NCAM2: variants seen among roughly 807,000 people sequenced by gnomAD.
NCAM2 encodes N-CAM-2.
In NCAM2, 30 loss-of-function variants were observed where a neutral mutation model predicts 98.1. That is an observed-to-expected ratio of 0.31 (90% confidence interval 0.23 to 0.41). The LOEUF (loss-of-function observed/expected upper bound fraction) is 0.41. NCAM2 is among the 10% of genes least tolerant of loss of function. The pLI is 1.00. For synonymous variants in NCAM2, 368 were observed against 342.4 expected (o/e 1.07, Z -0.83); for missense variants, 867 against 1,005.8 (o/e 0.86, Z 1.87).
intron 1 of NCAM2, among the ~76,000 whole-genome samples, chr21:21,134,610 G>T (rs1394349574): frequency 6.6e-6 from 1 of 151,982 alleles, no homozygotes; most frequent in Non-Finnish European, 1.5e-5. Context: ...TTTTTAATGT[G>T]CTAATAGAAA....
In NCAM2 at chr21:21,017,709, G is replaced by A. The variant is rs77438507; in HGVS notation, c.55+19091G>A. 3.6e-3 allele frequency among the ~76,000 whole-genome samples: 543 copies of A among 152,068 alleles called. 3 individuals carry two copies. Among genetic ancestry groups the A allele is most frequent in the African/African-American group, 0.012 (517 of 41,492 alleles). Reference sequence around the variant, plus strand: ...ACTTGGTGTATGAAACTATGCACGCGCTCCATAATTTCTTTTTAGGATAGC... The same window carrying A: ...ACTTGGTGTATGAAACTATGCACGCACTCCATAATTTCTTTTTAGGATAGC... On this transcript the variant is annotated intron_variant, in intron 1 of 17. Transcript: ENST00000400546.
intron 1 of NCAM2, among the ~76,000 whole-genome samples, chr21:21,204,948 G>A (rs1208515215): frequency 6.6e-6 from 1 of 151,898 alleles, no homozygotes; most frequent in African/African-American, 2.4e-5. Flanking sequence ...GTGTAAGTTC[G>A]AACTCTCCTT....
chr21:21,140,522 A>T (rs2067144423), intron 1 of NCAM2, among the ~76,000 whole-genome samples: 1 of 152,194 alleles, frequency 6.6e-6, no homozygotes, highest in Admixed American at 6.5e-5. Flanking sequence ...ATATTATAAA[A>T]TATGAAATAA....
At chr21:21,194,907 C>T (rs537999148) in intron 1 of NCAM2, among the ~76,000 whole-genome samples, 4 of 152,152 alleles carry the variant, frequency 2.6e-5, no homozygotes, top group Non-Finnish European at 5.9e-5. Flanking sequence ...AACATTTCCC[C>T]ATTTCCATCA....
At chr21:21,264,347 A>G (rs1326221799) in intron 1 of NCAM2, among the ~76,000 whole-genome samples, 1 of 152,066 alleles carries the variant, frequency 6.6e-6, no homozygotes, top group Admixed American at 6.6e-5. Context: ...AAAAACTAAC[A>G]GATGTTGGTG....
intron 9 of NCAM2, among the ~76,000 whole-genome samples, chr21:21,397,428 C>T (rs2076534013): frequency 6.6e-6 from 1 of 152,168 alleles, no homozygotes; most frequent in Non-Finnish European, 1.5e-5. Context: ...AGTCTTCCCT[C>T]AGCCTCCCTC....
chr21:21,342,606 C>T (rs2075074035), intron 8 of NCAM2, among the ~76,000 whole-genome samples: 1 of 152,118 alleles, frequency 6.6e-6, no homozygotes, highest in Admixed American at 6.6e-5. Flanking sequence ...CAGACACTAT[C>T]TGGTCTACTC....
chr21:21,473,167 A>T (rs543772373), intron 14 of NCAM2, among the ~76,000 whole-genome samples: 2 of 151,166 alleles, frequency 1.3e-5, no homozygotes, highest in South Asian at 4.2e-4. Flanking sequence ...TTGTGCCTCT[A>T]CCCAGGACAG....
At position 21,093,977 on chromosome 21, in the gene NCAM2, G is replaced by A. The variant is rs141879647; in HGVS notation, c.55+95359G>A. On this transcript the variant is annotated intron_variant, in intron 1 of 17. Coordinates refer to ENST00000400546, the MANE Select transcript of NCAM2 (RefSeq NM_004540.5). ...GTAAATTTCTCTGAGTGGGTCAAATGCCTCTTTTCTAAGAATTCTCGTCAA... is the reference window on the plus strand; with the variant it reads ...GTAAATTTCTCTGAGTGGGTCAAATACCTCTTTTCTAAGAATTCTCGTCAA... Among the ~76,000 whole-genome samples, 286 of 151,974 alleles carry A rather than the reference G, an allele frequency of 1.9e-3. 1 individual carries two copies. Among genetic ancestry groups the A allele is most frequent in the Admixed American group, 3.2e-3 (48 of 15,226 alleles).
chr21:21,015,104 G>A (rs1449652208), intron 1 of NCAM2, among the ~76,000 whole-genome samples: 2 of 152,184 alleles, frequency 1.3e-5, no homozygotes, highest in Non-Finnish European at 2.9e-5. Context: ...CAAGGAAAGT[G>A]ATTTCTTGAG....
At chr21:21,312,850 T>A (rs1166195209) in intron 5 of NCAM2, among the ~76,000 whole-genome samples, 1 of 151,892 alleles carries the variant, frequency 6.6e-6, no homozygotes, top group East Asian at 1.9e-4. Context: ...GTCTGAACAT[T>A]TCCTTTCAGG....
intron 3 of NCAM2, 98 bp downstream of exon 3, chr21:21,284,498 T>G: frequency 1.1e-6 from 1 of 887,982 alleles, no homozygotes; most frequent in Non-Finnish European, 1.7e-6. Flanking sequence ...AAGAACTATG[T>G]GCTTTGAAAA....
At chr21:21,441,462 A>G (rs889373634) in intron 12 of NCAM2, among the ~76,000 whole-genome samples, 2 of 152,240 alleles carry the variant, frequency 1.3e-5, no homozygotes, top group African/African-American at 4.8e-5. Flanking sequence ...AGTATATACT[A>G]TTAGTGATGC....
chr21:21,125,136 G>A (rs974787149), intron 1 of NCAM2, among the ~76,000 whole-genome samples: 3 of 151,656 alleles, frequency 2.0e-5, no homozygotes, highest in East Asian at 1.9e-4. Flanking sequence ...ATGTAACTCC[G>A]TATTACTGTG....
intron 1 of NCAM2, among the ~76,000 whole-genome samples, chr21:21,121,834 A>G (rs540146300): frequency 1.9e-4 from 29 of 152,358 alleles, no homozygotes; most frequent in African/African-American, 6.7e-4. Context: ...ACGATTGGGT[A>G]TATGATAAAT....
intron 1 of NCAM2, among the ~76,000 whole-genome samples, chr21:20,999,543 C>T (rs913906505): frequency 6.6e-6 from 1 of 151,922 alleles, no homozygotes; most frequent in Non-Finnish European, 1.5e-5. Flanking sequence ...TAATTAGGGA[C>T]ACAAAATGCT....
At chr21:21,433,774 A>G (rs921187203) in intron 12 of NCAM2, among the ~76,000 whole-genome samples, 1 of 149,608 alleles carries the variant, frequency 6.7e-6, no homozygotes, top group Non-Finnish European at 1.5e-5. Flanking sequence ...ATAAAATAAA[A>G]TAAAATAAAA....
chr21:21,171,444 T>C (rs2068121199), intron 1 of NCAM2, among the ~76,000 whole-genome samples: 1 of 152,208 alleles, frequency 6.6e-6, no homozygotes, highest in Non-Finnish European at 1.5e-5. Context: ...TTGAGAAAAC[T>C]GTGAGGTACT....
chr21:21,250,233 G>A (rs1601764691), intron 1 of NCAM2, among the ~76,000 whole-genome samples: 2 of 152,172 alleles, frequency 1.3e-5, no homozygotes, highest in Admixed American at 1.3e-4. Flanking sequence ...ATTCTAACTG[G>A]ATGCTAGAAA....
Sources: allele counts gnomAD v4.1 joint callset (sites outside exome capture counted in the v4.1 genomes callset), GRCh38; gene constraint gnomAD v4.1.1; transcripts MANE v1.5; gene names NCBI Gene and HGNC (gene_info 2026-07-23, HGNC 2026-07-21).